The following CNTN5 variants were observed in gnomAD, a reference collection of about 807,000 sequenced individuals.
The protein encoded by CNTN5 is contactin-5.
CNTN5 carries 77 observed loss-of-function variants against 129.1 expected under a neutral mutation model. That is an observed-to-expected ratio of 0.60 (90% CI 0.50 to 0.72). The LOEUF (loss-of-function observed/expected upper bound fraction) is 0.72, where lower values mean the gene tolerates loss of function less well. CNTN5 is among the 30% of genes least tolerant of loss of function. CNTN5 has a pLI of 0.00. For missense variants in CNTN5, 1,478 were observed against 1,328.8 expected (o/e 1.11, Z -1.75); for synonymous variants, 509 against 465.6 (o/e 1.09, Z -1.20).
chr11:99,520,468 A>G (rs1174233755), intron 2 of CNTN5, among the ~76,000 whole-genome samples: 1 of 152,152 alleles, frequency 6.6e-6, no homozygotes, highest in African/African-American at 2.4e-5. Context: ...TGTAGGGAGC[A>G]GTTTCTTAAA....
intron 2 of CNTN5, among the ~76,000 whole-genome samples, chr11:99,418,102 A>C (rs1027502047): frequency 1.3e-5 from 2 of 152,138 alleles, no homozygotes; most frequent in Admixed American, 1.3e-4. Context: ...TACTGCTAGA[A>C]AAGTCAGCCT....
At chr11:99,819,861 G>T in intron 4 of CNTN5, 96 bp downstream of exon 4, 1 of 688,650 alleles carries the variant, frequency 1.5e-6, no homozygotes, top group Non-Finnish European at 2.3e-6. Context: ...ATTCCAGTAG[G>T]AGAGAGTGAT....
intron 1 of CNTN5, among the ~76,000 whole-genome samples, chr11:99,072,586 T>G (rs943414237): frequency 2.0e-5 from 3 of 152,136 alleles, no homozygotes; most frequent in African/African-American, 7.2e-5. Context: ...TTTTACCATA[T>G]TTAGGAATTT....
intron 16 of CNTN5, among the ~76,000 whole-genome samples, chr11:100,231,902 C>A (rs920355746): frequency 6.6e-6 from 1 of 152,136 alleles, no homozygotes; most frequent in Non-Finnish European, 1.5e-5. Flanking sequence ...CACCTGTATT[C>A]CCAGCATTTT....
intron 1 of CNTN5, among the ~76,000 whole-genome samples, chr11:99,027,874 C>A (rs1377794085): frequency 6.6e-6 from 1 of 151,350 alleles, no homozygotes; most frequent in Non-Finnish European, 1.5e-5. Flanking sequence ...TTAAAGATGG[C>A]GCGATAAGTG....
At chr11:99,148,367 A>T (rs954296593) in intron 1 of CNTN5, among the ~76,000 whole-genome samples, 5 of 114,968 alleles carry the variant, frequency 4.3e-5, no homozygotes, top group Non-Finnish European at 6.5e-5. Context: ...TATTTGAGCA[A>T]AAAAAAAATT....
intron 2 of CNTN5, among the ~76,000 whole-genome samples, chr11:99,363,998 A>C (rs899143200): frequency 3.9e-5 from 6 of 152,080 alleles, no homozygotes; most frequent in African/African-American, 1.4e-4. Flanking sequence ...AAGTCTATCA[A>C]TTTTCAGCTC....
intron 1 of CNTN5, among the ~76,000 whole-genome samples, chr11:99,323,259 C>G (rs1248056752): frequency 6.6e-6 from 1 of 152,092 alleles, no homozygotes; most frequent in African/African-American, 2.4e-5. Flanking sequence ...ATGGTAGAAA[C>G]TTAAAGAAGT....
At chr11:99,435,859 A>G (rs1704554749) in intron 2 of CNTN5, among the ~76,000 whole-genome samples, 3 of 152,174 alleles carry the variant, frequency 2.0e-5, no homozygotes, top group Non-Finnish European at 4.4e-5. Context: ...CCATGAAATT[A>G]TATATGAGGA....
intron 1 of CNTN5, among the ~76,000 whole-genome samples, chr11:99,251,612 T>C (rs942720934): frequency 6.6e-6 from 1 of 151,998 alleles, no homozygotes; most frequent in East Asian, 1.9e-4. Flanking sequence ...AGTATCTCTT[T>C]GGAAATTGCT....
chr11:100,313,664 G>A (rs1044440728), intron 21 of CNTN5, among the ~76,000 whole-genome samples: 7 of 151,914 alleles, frequency 4.6e-5, no homozygotes, highest in Non-Finnish European at 8.8e-5. Flanking sequence ...TTAAATCCAT[G>A]CTACCATAGG....
At chr11:99,912,623 C>A (rs927901792) in intron 6 of CNTN5, among the ~76,000 whole-genome samples, 17 of 148,442 alleles carry the variant, frequency 1.1e-4, no homozygotes, top group Non-Finnish European at 2.1e-4. Context: ...TTAATAACAT[C>A]TATTATTGTA....
chr11:100,355,800 C>G (rs1952509305), intron 24 of CNTN5, among the ~76,000 whole-genome samples: 1 of 151,654 alleles, frequency 6.6e-6, no homozygotes, highest in African/African-American at 2.4e-5. Flanking sequence ...ATTTTCTGAA[C>G]TATGCACTAT....
intron 8 of CNTN5, among the ~76,000 whole-genome samples, chr11:99,961,117 A>C (rs561930977): frequency 9.6e-4 from 142 of 147,442 alleles, no homozygotes; most frequent in African/African-American, 3.4e-3. Context: ...AGACAGGAGA[A>C]TCTCTGGAAC....
At chr11:99,355,560 G>A (rs1378041424) in intron 2 of CNTN5, among the ~76,000 whole-genome samples, 1 of 152,158 alleles carries the variant, frequency 6.6e-6, no homozygotes, top group East Asian at 1.9e-4. Flanking sequence ...AGGGCGTTCT[G>A]TGGATGATGG....
chr11:99,614,586 T>C (rs535124362), intron 3 of CNTN5, among the ~76,000 whole-genome samples: 1 of 151,966 alleles, frequency 6.6e-6, no homozygotes, highest in African/African-American at 2.4e-5. Flanking sequence ...AGCTGGGAGG[T>C]GGAAAAGGAA....
chr11:99,961,221 A>AAAC (rs1555167380), intron 8 of CNTN5, among the ~76,000 whole-genome samples: 12 of 150,518 alleles, frequency 8.0e-5, no homozygotes, highest in African/African-American at 2.4e-4. Flanking sequence ...AAAAAAAAAA[A>AAAC]AAAACAGTAG....
chr11:99,113,184 C>T (rs2135387178), intron 1 of CNTN5, among the ~76,000 whole-genome samples: 1 of 152,146 alleles, frequency 6.6e-6, no homozygotes, highest in South Asian at 2.1e-4. Flanking sequence ...ACAGTTACAC[C>T]TTCAATGTGC....
intron 3 of CNTN5, among the ~76,000 whole-genome samples, chr11:99,585,408 A>G (rs1471226687): frequency 6.6e-6 from 1 of 152,218 alleles, no homozygotes; most frequent in Non-Finnish European, 1.5e-5. Context: ...GCTGTTTTCT[A>G]TTAAGCTAAA....
Sources: allele counts gnomAD v4.1 joint callset (sites outside exome capture counted in the v4.1 genomes callset), GRCh38; gene constraint gnomAD v4.1.1; transcripts MANE v1.5; gene names NCBI Gene and HGNC (gene_info 2026-07-23, HGNC 2026-07-21).